GTF2H1: variants seen among roughly 807,000 people sequenced by gnomAD.
The protein encoded by GTF2H1 is BTF2 p62.
GTF2H1 carries 16 observed loss-of-function variants against 71.2 expected under a neutral mutation model. That is an observed-to-expected ratio of 0.22 (90% confidence interval 0.15 to 0.34). The LOEUF (loss-of-function observed/expected upper bound fraction) is 0.34, where lower values mean the gene tolerates loss of function less well. Ranked by LOEUF, GTF2H1 falls within the 10% of genes least tolerant of loss-of-function variation. The pLI, the probability that GTF2H1 is intolerant of heterozygous loss-of-function variation, is 1.00. For synonymous variants in GTF2H1, 215 were observed against 219.0 expected, an observed-to-expected ratio of 0.98 and a Z score of 0.16; for missense variants, 498 against 648.2, an observed-to-expected ratio of 0.77 and a Z score of 2.52.
chr11:18,331,253 A>G (rs1476628638), intron 1 of GTF2H1, among the ~76,000 whole-genome samples: 1 of 151,962 alleles, frequency 6.6e-6, no homozygotes, highest in African/African-American at 2.4e-5. Flanking sequence ...AATGGGTTTC[A>G]CCATGTTGCC....
Position 18,365,910 on chromosome 11 carries a change from C to T in GTF2H1, c.*41C>T, listed in dbSNP as rs1184523437. 7.2e-7 allele frequency: 1 copy of T among 1,385,254 alleles called. No homozygotes were observed. The highest frequency in any genetic ancestry group is 2.3e-5 in the East Asian group (1 of 43,618). The allele number at this position is 1,385,254 out of a possible 1,614,324, so 85.8% of individuals were successfully genotyped here. On this transcript the variant is annotated 3_prime_UTR_variant, in exon 15 of 15. Transcript: ENST00000265963. Reference sequence around the variant, plus strand: ...TACAGGTTTTGTGAGATTGAGAGAACTATGACCTGCAGCAACTCTGGAAAC... The same window carrying T: ...TACAGGTTTTGTGAGATTGAGAGAATTATGACCTGCAGCAACTCTGGAAAC...
chr11:18,365,703 A>G, intron 14 of GTF2H1, 80 bp from the exon 15 acceptor site: 1 of 890,650 alleles, frequency 1.1e-6, no homozygotes, highest in South Asian at 1.3e-5. Context: ...TACACTCTGA[A>G]GTGTGTGCCA....
intron 1 of GTF2H1, among the ~76,000 whole-genome samples, chr11:18,327,174 C>A (rs1864787180): frequency 6.6e-6 from 1 of 152,012 alleles, no homozygotes; most frequent in African/African-American, 2.4e-5. Flanking sequence ...CACACTAGCA[C>A]CCCTAACACT....
intron 13 of GTF2H1, 70 bp from the exon 14 acceptor site, chr11:18,360,545 A>C (rs1213000232): frequency 1.4e-6 from 1 of 707,102 alleles, no homozygotes; most frequent in Non-Finnish European, 2.4e-6. Context: ...TCATATGTAG[A>C]AGATTGTTTT....
At chr11:18,322,774 TGGGTGGGC>T (rs1554951112) in intron 1 of GTF2H1, 34 bp downstream of exon 1, 1 of 1,498 alleles carries the variant, frequency 6.7e-4, no homozygotes, top group Non-Finnish European at 1.4e-3. Context: ...GGCGGGCGGG[TGGGTGGGC>T]GGGTGAGGAG....
rs1565009984 is a variant in GTF2H1, at chr11:18,341,621, A to C, written c.837+14A>C. 1 of 1,536,278 alleles carries C rather than the reference A, an allele frequency of 6.5e-7. No homozygotes were observed. Among genetic ancestry groups the C allele is most frequent in the African/African-American group, 1.4e-5 (1 of 72,466 alleles). ...CCATTAGATGAGGTAAGAAGCAATA[A>C]AAGAAGTTTTGAGAGAAAAGAGTCT... On this transcript the variant is annotated intron_variant, in intron 7 of 14. Coordinates refer to ENST00000265963, the MANE Select transcript of GTF2H1 (RefSeq NM_005316.4).
intron 7 of GTF2H1, chr11:18,341,988 A>C (rs1452541920): frequency 5.7e-6 from 1 of 176,536 alleles, no homozygotes; most frequent in Non-Finnish European, 1.2e-5. Flanking sequence ...ACTATCTGCC[A>C]AACCTTAAGC....
At chr11:18,328,976 T>C (rs1347412407) in intron 1 of GTF2H1, among the ~76,000 whole-genome samples, 7 of 152,176 alleles carry the variant, frequency 4.6e-5, no homozygotes. Flanking sequence ...TAAAAGGTGG[T>C]ATCGTTTATT....
At chr11:18,365,210 TCTA>T (rs1457079146) in intron 14 of GTF2H1, among the ~76,000 whole-genome samples, 1 of 151,876 alleles carries the variant, frequency 6.6e-6, no homozygotes, top group Non-Finnish European at 1.5e-5. Flanking sequence ...AAATCCCATC[TCTA>T]CTAAAAATAC....
At chr11:18,340,723 A>G (rs1865138161) in intron 5 of GTF2H1, among the ~76,000 whole-genome samples, 1 of 152,206 alleles carries the variant, frequency 6.6e-6, no homozygotes, top group Non-Finnish European at 1.5e-5. Context: ...TATGACCCTC[A>G]TTTTACAGAT....
At chr11:18,326,048 C>T (rs1864756872) in intron 1 of GTF2H1, 1 of 152,186 alleles carries the variant, frequency 6.6e-6, no homozygotes, top group South Asian at 2.1e-4. Context: ...TTCTGTTAAA[C>T]CTCCTGAAAT....
chr11:18,351,586 A>G (rs1865426395), intron 9 of GTF2H1: 2 of 209,714 alleles, frequency 9.5e-6, no homozygotes, highest in African/African-American at 4.6e-5. Context: ...TGGAGAGCAT[A>G]ACAGATCATT....
chr11:18,365,703 A>T, intron 14 of GTF2H1, 80 bp from the exon 15 acceptor site: 1 of 890,650 alleles, frequency 1.1e-6, no homozygotes, highest in South Asian at 1.3e-5. Flanking sequence ...TACACTCTGA[A>T]GTGTGTGCCA....
chr11:18,353,488 A>G (rs974363653), intron 11 of GTF2H1, among the ~76,000 whole-genome samples: 1 of 152,036 alleles, frequency 6.6e-6, no homozygotes, highest in Non-Finnish European at 1.5e-5. Flanking sequence ...TATCTCCTTC[A>G]TGCTTCCTGT....
intron 13 of GTF2H1, among the ~76,000 whole-genome samples, chr11:18,359,856 A>T (rs1489921517): frequency 1.3e-5 from 2 of 150,944 alleles, no homozygotes; most frequent in African/African-American, 4.9e-5. Context: ...GACTACAGGC[A>T]TGAGCCACTA....
intron 12 of GTF2H1, 134 bp from the exon 13 acceptor site, chr11:18,358,391 T>C (rs112694225): frequency 2.2e-4 from 128 of 584,756 alleles, no homozygotes; most frequent in African/African-American, 2.2e-3. Flanking sequence ...TACTAACTTA[T>C]CTGAAAATAG....
chr11:18,342,925 TTTG>T (rs1392433078), intron 7 of GTF2H1, among the ~76,000 whole-genome samples: 2 of 152,090 alleles, frequency 1.3e-5, no homozygotes, highest in African/African-American at 2.4e-5. Flanking sequence ...TTTGTTTTGT[TTTG>T]TTCTGTTTTT....
At chr11:18,328,567 G>A (rs1864823851) in intron 1 of GTF2H1, among the ~76,000 whole-genome samples, 1 of 149,626 alleles carries the variant, frequency 6.7e-6, no homozygotes, top group East Asian at 2.0e-4. Flanking sequence ...GCTCACACCT[G>A]TAATCCCAGC....
At chr11:18,345,499 C>CT (rs772599660) in intron 7 of GTF2H1, among the ~76,000 whole-genome samples, 4,289 of 134,944 alleles carry the variant, frequency 0.032, 197 homozygotes, top group African/African-American at 0.098. Context: ...GCATATGGAT[C>CT]TTTTTTTTTT....
Sources: allele counts gnomAD v4.1 joint callset (sites outside exome capture counted in the v4.1 genomes callset), GRCh38; gene constraint gnomAD v4.1.1; transcripts MANE v1.5; gene names NCBI Gene and HGNC (gene_info 2026-07-23, HGNC 2026-07-21).